RRAS2: variants seen among roughly 807,000 people sequenced by gnomAD.
RRAS2 encodes the protein RAS related 2.
A neutral mutation model predicts 27.6 loss-of-function variants in RRAS2; 7 were observed. The ratio of observed to expected loss-of-function variants is 0.25; its 90% CI spans 0.14 to 0.48. The LOEUF is 0.48. RRAS2 is among the 20% of genes least tolerant of loss of function. RRAS2 has a pLI of 0.99. For synonymous variants in RRAS2, 86 were observed against 90.9 expected (o/e 0.95, Z 0.31); for missense variants, 178 against 256.2 (o/e 0.69, Z 2.08).
chr11:14,327,192 C>G (rs1480111135), intron 1 of RRAS2, among the ~76,000 whole-genome samples: 1 of 151,986 alleles, frequency 6.6e-6, no homozygotes, highest in African/African-American at 2.4e-5. Context: ...ATCAAAACAA[C>G]AGTTTTAAGA....
intron 1 of RRAS2, among the ~76,000 whole-genome samples, chr11:14,332,664 T>C (rs1395007568): frequency 1.3e-5 from 2 of 151,888 alleles, no homozygotes; most frequent in African/African-American, 4.8e-5. Context: ...AACTGAACAA[T>C]GGGAATAAAA....
intron 1 of RRAS2, among the ~76,000 whole-genome samples, chr11:14,302,590 G>T (rs544550962): frequency 6.6e-6 from 1 of 152,302 alleles, no homozygotes; most frequent in African/African-American, 2.4e-5. Context: ...TGGCAGCAAA[G>T]AAGTTGTAAG....
chr11:14,297,589 G>A (rs782413264), intron 1 of RRAS2, among the ~76,000 whole-genome samples: 11 of 151,782 alleles, frequency 7.2e-5, no homozygotes, highest in South Asian at 2.1e-4. Flanking sequence ...AGGTGAGACC[G>A]CATCTCCACG....
chr11:14,362,188 AT>A (rs1196634381), upstream of RRAS2, among the ~76,000 whole-genome samples: 1 of 152,162 alleles, frequency 6.6e-6, no homozygotes, highest in East Asian at 1.9e-4. Flanking sequence ...AAAACATTGG[AT>A]TGTATGCTTT....
intron 1 of RRAS2, among the ~76,000 whole-genome samples, chr11:14,307,043 T>C (rs1199368686): frequency 6.6e-6 from 1 of 151,644 alleles, no homozygotes; most frequent in Non-Finnish European, 1.5e-5. Context: ...ATACAAAAAT[T>C]AGCAGGGCAT....
chr11:14,315,083 TCTA>T (rs1848067263), intron 1 of RRAS2, among the ~76,000 whole-genome samples: 1 of 152,202 alleles, frequency 6.6e-6, no homozygotes, highest in Non-Finnish European at 1.5e-5. Flanking sequence ...AAACTAAGCC[TCTA>T]CTATTTAAAT....
chr11:14,358,594 G>A lies in RRAS2; in HGVS notation c.108+169C>T, dbSNP rs2134048359. ...CGGGAGGAGGCAGGAGCGCGACGCTGCGGCCGCAGGGCAGGAGCGTAGTCG... is the reference window on the plus strand; with the variant it reads ...CGGGAGGAGGCAGGAGCGCGACGCTACGGCCGCAGGGCAGGAGCGTAGTCG... On this transcript the variant is annotated intron_variant, in intron 1 of 5. Coordinates refer to ENST00000256196, the MANE Select transcript of RRAS2 (RefSeq NM_012250.6). The surrounding 1 kb of genome is among the most constrained non-coding windows in gnomAD (Gnocchi z 5.1). 1.0e-6 allele frequency: 1 copy of A among 983,890 alleles called. No homozygotes were observed. The highest frequency in any genetic ancestry group is 4.7e-5 in the South Asian group (1 of 21,312). The allele number at this position is 983,890 out of a possible 1,614,324, so 60.9% of individuals were successfully genotyped here. A position where few individuals can be genotyped will look rare whatever the true frequency, so the allele number is the denominator to read the frequency against.
chr11:14,292,979 C>T (rs782370590), intron 4 of RRAS2, among the ~76,000 whole-genome samples: 1 of 151,024 alleles, frequency 6.6e-6, no homozygotes, highest in African/African-American at 2.4e-5. Context: ...TGCTGGCAGG[C>T]GCCTGTAGTC....
At chr11:14,315,423 A>AGT (rs1354262543) in intron 1 of RRAS2, among the ~76,000 whole-genome samples, 1 of 152,236 alleles carries the variant, frequency 6.6e-6, no homozygotes, top group African/African-American at 2.4e-5. Flanking sequence ...ATACTTAATG[A>AGT]GTACTCTTCA....
At chr11:14,353,036 T>C (rs1462732069) in intron 1 of RRAS2, among the ~76,000 whole-genome samples, 2 of 152,016 alleles carry the variant, frequency 1.3e-5, no homozygotes, top group Non-Finnish European at 2.9e-5. Flanking sequence ...TGACTTCAAG[T>C]GATCCGCCCG....
chr11:14,349,256 A>G (rs1848901315), intron 1 of RRAS2, among the ~76,000 whole-genome samples: 1 of 151,472 alleles, frequency 6.6e-6, no homozygotes, highest in Admixed American at 6.6e-5. Context: ...GGTTCACACC[A>G]TTCTCCTGCC....
At position 14,359,116 on chromosome 11, in the gene RRAS2, G is replaced by A. The variant is rs1330089840; in HGVS notation, c.-246C>T. On this transcript the variant is annotated 5_prime_UTR_variant, in exon 1 of 6. Coordinates refer to ENST00000256196, the MANE Select transcript of RRAS2 (RefSeq NM_012250.6). ...CCAGGGGCGGCAGCGGCCGGGGGGC[G>A]CGCTCCTCTACGCGTCTCCGCAGCG... 14 of 1,052,830 alleles carry A rather than the reference G, an allele frequency of 1.3e-5. No individual in the cohort carries two copies. Among genetic ancestry groups the A allele is most frequent in the Non-Finnish European group, 1.5e-5 (13 of 874,670 alleles). The allele number at this position is 1,052,830 out of a possible 1,614,324, so 65.2% of individuals were successfully genotyped here. A position where few individuals can be genotyped will look rare whatever the true frequency, so the allele number is the denominator to read the frequency against.
chr11:14,337,734 T>C (rs1278896170), intron 1 of RRAS2, among the ~76,000 whole-genome samples: 1 of 151,778 alleles, frequency 6.6e-6, no homozygotes, highest in East Asian at 1.9e-4. Flanking sequence ...TCTGCGGGGG[T>C]TGAAATATAT....
rs1849133439 is a variant in RRAS2, at chr11:14,358,575, G to A, written c.108+188C>T. 3 of 986,236 alleles carry A rather than the reference G, an allele frequency of 3.0e-6. No homozygotes were observed. The highest frequency in any genetic ancestry group is 3.6e-6 in the Non-Finnish European group (3 of 830,730). The allele number at this position is 986,236 out of a possible 1,614,324, so 61.1% of individuals were successfully genotyped here. On this transcript the variant is annotated intron_variant, in intron 1 of 5. Coordinates refer to ENST00000256196, the MANE Select transcript of RRAS2 (RefSeq NM_012250.6). This position sits in a 1 kb window ranked among gnomAD's most constrained non-coding sequence, Gnocchi z 5.1. ...ACTCCCGCGACGCCGCGCCCGGGAG[G>A]AGGCAGGAGCGCGACGCTGCGGCCG...
intron 1 of RRAS2, among the ~76,000 whole-genome samples, chr11:14,327,730 A>C (rs2134005774): frequency 6.6e-6 from 1 of 152,368 alleles, no homozygotes; most frequent in South Asian, 2.1e-4. Context: ...GGGAAAAAGA[A>C]AAACGTGCAG....
chr11:14,312,641 C>T (rs1591463943), intron 1 of RRAS2, among the ~76,000 whole-genome samples: 1 of 151,982 alleles, frequency 6.6e-6, no homozygotes, highest in Middle Eastern at 3.4e-3. Flanking sequence ...GGCTGGTCAT[C>T]AACTCCTGGC....
intron 1 of RRAS2, among the ~76,000 whole-genome samples, chr11:14,307,157 C>A (rs1554948185): frequency 6.6e-6 from 1 of 151,204 alleles, no homozygotes; most frequent in African/African-American, 2.4e-5. Flanking sequence ...TGCCACTGCA[C>A]TCCAGCCTGG....
intron 4 of RRAS2, among the ~76,000 whole-genome samples, chr11:14,289,947 A>C (rs1849765129): frequency 6.6e-6 from 1 of 152,218 alleles, no homozygotes; most frequent in African/African-American, 2.4e-5. Flanking sequence ...GTCTAAGACA[A>C]AGGTAGAAAA....
chr11:14,280,309 A>C (rs1233402359), intron 5 of RRAS2, among the ~76,000 whole-genome samples: 1 of 152,172 alleles, frequency 6.6e-6, no homozygotes, highest in Non-Finnish European at 1.5e-5. Context: ...TGGGATTTTT[A>C]ACAAACTACT....
Sources: allele counts gnomAD v4.1 joint callset (sites outside exome capture counted in the v4.1 genomes callset), GRCh38; gene constraint gnomAD v4.1.1; non-coding constraint Gnocchi (gnomAD v3.1); transcripts MANE v1.5; gene names NCBI Gene and HGNC (gene_info 2026-07-23, HGNC 2026-07-21).